The following ZNF532 variants were observed in gnomAD, a reference collection of about 807,000 sequenced individuals.
ZNF532 encodes the protein zinc finger protein 532.
A neutral mutation model predicts 89.3 loss-of-function variants in ZNF532; 22 were observed. The ratio of observed to expected loss-of-function variants is 0.25; its 90% CI spans 0.18 to 0.35. ZNF532 has a LOEUF of 0.35. Among genes scored for constraint, ZNF532 ranks in the 10% least tolerant of loss-of-function variants. The pLI is 1.00. For missense variants in ZNF532, 1,132 were observed against 1,643.4 expected (o/e 0.69, Z 5.38); for synonymous variants, 606 against 649.6 (o/e 0.93, Z 1.02).
Position 58,920,507 on chromosome 18 carries a change from G to GC in ZNF532, c.2224dup (p.Leu742ProfsTer3), listed in dbSNP as rs34288577. The GC allele has an allele frequency of 6.2e-7, 1 of 1,613,816 alleles. No individual in the cohort carries two copies. Among genetic ancestry groups the GC allele is most frequent in the African/African-American group, 1.3e-5 (1 of 74,888 alleles). Reference sequence around the variant, plus strand: ...CAAGCACTCCCATCACCCCAGCCATGCCCCTAGATGAAGACCCCTCCAAAC... The same window carrying GC: ...CAAGCACTCCCATCACCCCAGCCATGCCCCCTAGATGAAGACCCCTCCAAAC... On this transcript the variant is annotated frameshift_variant, in exon 3 of 10. Coordinates refer to ENST00000591808, the MANE Select transcript of ZNF532 (RefSeq NM_001375912.1). LOFTEE classifies it high-confidence loss of function.
At chr18:58,904,809 A>G (rs2059822549) in intron 2 of ZNF532, among the ~76,000 whole-genome samples, 1 of 151,778 alleles carries the variant, frequency 6.6e-6, no homozygotes, top group Non-Finnish European at 1.5e-5. Flanking sequence ...AATCATAGAG[A>G]ATGCAAACTT....
chr18:58,940,975 C>T (rs1402247001), intron 5 of ZNF532, among the ~76,000 whole-genome samples: 11 of 147,716 alleles, frequency 7.4e-5, no homozygotes, highest in African/African-American at 9.9e-5. Flanking sequence ...CTCTCTCTCT[C>T]TCTCTCTCTC....
At chr18:58,951,686 G>A (rs1023120268) in intron 6 of ZNF532, among the ~76,000 whole-genome samples, 9 of 111,958 alleles carry the variant, frequency 8.0e-5, no homozygotes, top group Non-Finnish European at 1.2e-4. Flanking sequence ...GTTTTGCTCC[G>A]TCGCCCAAGC....
intron 7 of ZNF532, among the ~76,000 whole-genome samples, chr18:58,963,537 C>G (rs1182160108): frequency 1.3e-5 from 2 of 151,384 alleles, no homozygotes; most frequent in Non-Finnish European, 2.9e-5. Flanking sequence ...GACCACCATG[C>G]TTAGAATCAG....
intron 7 of ZNF532, among the ~76,000 whole-genome samples, chr18:58,969,178 G>A (rs2066217294): frequency 6.6e-6 from 1 of 152,110 alleles, no homozygotes; most frequent in African/African-American, 2.4e-5. Flanking sequence ...CCTGAGCCTC[G>A]GGGTGTGAGC....
At chr18:58,936,463 T>C (rs1411276130) in intron 4 of ZNF532, among the ~76,000 whole-genome samples, 1 of 152,228 alleles carries the variant, frequency 6.6e-6, no homozygotes, top group Non-Finnish European at 1.5e-5. Context: ...ACTTCTTCAA[T>C]TTTAGCTATT....
chr18:58,870,104 A>G (rs1422421124), intron 2 of ZNF532, among the ~76,000 whole-genome samples: 1 of 147,434 alleles, frequency 6.8e-6, no homozygotes, highest in Non-Finnish European at 1.5e-5. Flanking sequence ...TAAGGATAAA[A>G]TAGCTTTCAG....
chr18:58,907,494 G>A (rs1190760176), intron 2 of ZNF532, among the ~76,000 whole-genome samples: 1 of 151,316 alleles, frequency 6.6e-6, no homozygotes, highest in Non-Finnish European at 1.5e-5. Flanking sequence ...CAGCCGAGAA[G>A]TTTTTTGTTT....
At chr18:58,914,470 AG>A (rs1239342452) in intron 2 of ZNF532, among the ~76,000 whole-genome samples, 3 of 152,254 alleles carry the variant, frequency 2.0e-5, no homozygotes, top group Non-Finnish European at 4.4e-5. Context: ...TCACGAGGTC[AG>A]GAGCTTGAGA....
At chr18:58,933,180 G>T (rs999434928) in intron 3 of ZNF532, among the ~76,000 whole-genome samples, 9 of 152,102 alleles carry the variant, frequency 5.9e-5, no homozygotes, top group Non-Finnish European at 1.2e-4. Context: ...GAGAAAAGGG[G>T]TGCTATTTTT....
At chr18:58,943,156 ATCTTT>A (rs1233224466) in intron 5 of ZNF532, among the ~76,000 whole-genome samples, 12 of 140,196 alleles carry the variant, frequency 8.6e-5, no homozygotes, top group African/African-American at 3.2e-4. Context: ...CCATTACTAT[ATCTTT>A]TTTTTTTTTT....
At chr18:58,916,590 G>C in intron 2 of ZNF532, 1 of 438,578 alleles carries the variant, frequency 2.3e-6, no homozygotes, top group Non-Finnish European at 3.0e-6. Flanking sequence ...GACTTCTTCA[G>C]CTCGGTATTA....
At chr18:58,977,876 C>G (rs778500127) in intron 7 of ZNF532, among the ~76,000 whole-genome samples, 77 of 152,164 alleles carry the variant, frequency 5.1e-4, no homozygotes, top group Admixed American at 9.8e-4. Flanking sequence ...ATTTCTTTAT[C>G]ACATAGCTTG....
chr18:58,984,121 G>A lies in ZNF532; in HGVS notation c.3561G>A (p.Leu1187=). Residue 1187 remains leucine, a synonymous_variant, in exon 10 of 10, where the codon CTG becomes CTA. Coordinates refer to ENST00000591808, the MANE Select transcript of ZNF532 (RefSeq NM_001375912.1). ...GTGGCTTCACCACCGAAAACCTGCT[G>A]CAATTCCACGAACACATCCCTCAGC... is the stretch of plus-strand genomic sequence containing the variant. ...AVCGFTTENL[L]QFHEHIPQHK... 6.2e-7 allele frequency: 1 copy of A among 1,611,910 alleles called. No individual in the cohort carries two copies. The highest frequency in any genetic ancestry group is 8.5e-7 in the Non-Finnish European group (1 of 1,179,846).
At chr18:58,976,913 G>A (rs1187261356) in intron 7 of ZNF532, among the ~76,000 whole-genome samples, 15 of 152,126 alleles carry the variant, frequency 9.9e-5, no homozygotes, top group Admixed American at 9.8e-4. Flanking sequence ...TGACTTTAAA[G>A]CTTTAAAATA....
At chr18:58,942,335 C>G (rs1470830803) in intron 5 of ZNF532, among the ~76,000 whole-genome samples, 37 of 72,244 alleles carry the variant, frequency 5.1e-4, no homozygotes, top group Admixed American at 8.6e-4. Flanking sequence ...CCCTCCCTCC[C>G]TCCCTCCCTC....
chr18:58,959,272 T>A (rs948894983), intron 7 of ZNF532, among the ~76,000 whole-genome samples: 2 of 149,824 alleles, frequency 1.3e-5, no homozygotes, highest in South Asian at 4.3e-4. Flanking sequence ...TTTTTTTTGT[T>A]TTTTTTTGGT....
chr18:58,904,194 T>C (rs922794697), intron 2 of ZNF532, among the ~76,000 whole-genome samples: 2 of 151,762 alleles, frequency 1.3e-5, no homozygotes, highest in Non-Finnish European at 2.9e-5. Flanking sequence ...CTACAAAAAA[T>C]ATAAAAATTA....
intron 7 of ZNF532, among the ~76,000 whole-genome samples, chr18:58,958,899 G>T (rs1334980177): frequency 6.6e-6 from 1 of 152,172 alleles, no homozygotes; most frequent in Non-Finnish European, 1.5e-5. Context: ...TTTTAGGTGG[G>T]TTGTGGATCT....
Sources: gnomAD v4.1 joint callset for allele counts (sites outside exome capture counted in the v4.1 genomes callset) on GRCh38, gnomAD v4.1.1 for gene constraint, MANE v1.5 for transcripts, NCBI Gene and HGNC (gene_info 2026-07-23, HGNC 2026-07-21) for gene names.